SEC62: variants seen among roughly 807,000 people sequenced by gnomAD.
SEC62 encodes translocation protein SEC62.
In SEC62, 10 loss-of-function variants were observed where a neutral mutation model predicts 47.5. The observed-to-expected ratio is 0.21, with a 90% confidence interval of 0.13 to 0.36. The LOEUF (loss-of-function observed/expected upper bound fraction) is 0.36. Among genes scored for constraint, SEC62 ranks in the 10% least tolerant of loss-of-function variants. The pLI is 1.00. For missense variants in SEC62, 327 were observed against 464.1 expected (o/e 0.70, Z 2.71); for synonymous variants, 136 against 150.5 (o/e 0.90, Z 0.71).
At chr3:169,973,374 G>GT (rs1370084813) in intron 1 of SEC62, among the ~76,000 whole-genome samples, 1 of 152,132 alleles carries the variant, frequency 6.6e-6, no homozygotes, top group Non-Finnish European at 1.5e-5. Context: ...TAAGGTTCCA[G>GT]TTTTTTGCTG....
In SEC62 at chr3:169,985,874, T is replaced by A. The variant is rs1167716889; in HGVS notation, c.610+9T>A. 6.2e-6 allele frequency: 10 copies of A among 1,600,566 alleles called. No individual in the cohort carries two copies. Among genetic ancestry groups the A allele is most frequent in the Middle Eastern group, 1.7e-4 (1 of 6,020 alleles). ...CATGGGATTAATTCTTGGTAAGTAG[T>A]GAGATGTTAATAGCTATAAAGTGCA... is the stretch of plus-strand genomic sequence containing the variant. On this transcript the variant is annotated intron_variant, in intron 6 of 7. Coordinates refer to ENST00000337002, the MANE Select transcript of SEC62 (RefSeq NM_003262.4).
At chr3:169,976,854 C>A in intron 2 of SEC62, 92 bp from the exon 3 acceptor site, 1 of 785,278 alleles carries the variant, frequency 1.3e-6, no homozygotes, top group Non-Finnish European at 1.9e-6. Flanking sequence ...TTTTTGTTGC[C>A]AGAGTGTTGA....
At chr3:169,983,022 A>G in intron 4 of SEC62, 111 bp downstream of exon 4, 1 of 1,485,628 alleles carries the variant, frequency 6.7e-7, no homozygotes, top group South Asian at 1.4e-5. Flanking sequence ...AGATAACTAT[A>G]TTAGAGTTGT....
In SEC62 at chr3:169,992,879, G is replaced by A. The variant is rs765944822; in HGVS notation, c.1016G>A (p.Arg339Gln). The A allele has an allele frequency of 1.9e-5, 31 of 1,613,866 alleles. No individual in the cohort carries two copies. In the Admixed American group the frequency reaches 3.8e-4, roughly 20 times the overall value. ...NHGTEGSGGE[R>Q]HSDTDSDRRE... ...GGAACAGAAGGCTCGGGGGGAGAAC[G>A]GCATTCAGACACGGACAGTGACAGG... is the stretch of plus-strand genomic sequence containing the variant. Residue 339 changes from arginine (R) to glutamine (Q), a missense_variant, in exon 8 of 8, where the codon CGG (arginine) becomes CAG (glutamine). This residue lies in a region of SEC62 where 102 missense variants were observed against 108.8 expected (regional missense o/e 0.94). Coordinates refer to ENST00000337002, the MANE Select transcript of SEC62 (RefSeq NM_003262.4). This position sits in a 1 kb window ranked among gnomAD's most constrained non-coding sequence, Gnocchi z 4.0.
intron 5 of SEC62, 51 bp from the exon 6 acceptor site, chr3:169,985,754 T>C (rs1257971443): frequency 6.9e-7 from 1 of 1,456,308 alleles, no homozygotes; most frequent in Non-Finnish European, 9.5e-7. Context: ...AGCATTACTT[T>C]CTAATGTGAC....
intron 7 of SEC62, among the ~76,000 whole-genome samples, chr3:169,988,883 T>A (rs988344163): frequency 3.3e-5 from 5 of 152,154 alleles, no homozygotes; most frequent in Non-Finnish European, 4.4e-5. Flanking sequence ...AAACATTTTT[T>A]AATTTTGACT....
rs78769132 is a variant in SEC62 at position 169,985,890 on chromosome 3, A to G, written c.610+25A>G. On this transcript the variant is annotated intron_variant, in intron 6 of 7. Coordinates refer to ENST00000337002, the MANE Select transcript of SEC62 (RefSeq NM_003262.4). ...GGTAAGTAGTGAGATGTTAATAGCT[A>G]TAAAGTGCAATCTAAAATTTAGAAA... 2.5e-3 allele frequency: 3,793 copies of G among 1,521,660 alleles called. 54 individuals carry two copies. In the African/African-American group the frequency reaches 0.039, roughly 16 times the overall value. 94.3% of individuals were successfully genotyped at this position (1,521,660 alleles called of 1,614,324 possible).
chr3:169,985,972 C>A, intron 6 of SEC62, 107 bp downstream of exon 6: 2 of 654,150 alleles, frequency 3.1e-6, no homozygotes, highest in Non-Finnish European at 4.9e-6. Context: ...AAATAGTTGT[C>A]ATTTTAAAAA....
intron 1 of SEC62, among the ~76,000 whole-genome samples, chr3:169,973,434 T>G (rs1022964464): frequency 6.6e-6 from 1 of 152,142 alleles, no homozygotes; most frequent in South Asian, 2.1e-4. Context: ...GACTGAGGCA[T>G]GCAGATTATC....
intron 2 of SEC62, among the ~76,000 whole-genome samples, chr3:169,976,194 C>T (rs182686516): frequency 5.3e-5 from 8 of 152,066 alleles, no homozygotes; most frequent in African/African-American, 1.4e-4. Flanking sequence ...GCCAGGAGTT[C>T]GAGACCAGCC....
In SEC62 at chr3:169,983,098, G is replaced by T. The variant is rs533653658; in HGVS notation, c.457-63G>T. ...AATAGTCAGTGAAAGTTTTTTGACT[G>T]TATGAACATCATATTTCTTGCTTAC... On this transcript the variant is annotated intron_variant, in intron 4 of 7. Coordinates refer to ENST00000337002, the MANE Select transcript of SEC62 (RefSeq NM_003262.4). 8.5e-5 allele frequency: 125 copies of T among 1,479,250 alleles called. No homozygotes were observed. In the African/African-American group the frequency reaches 1.6e-3, roughly 19 times the overall value. 91.6% of individuals were successfully genotyped at this position (1,479,250 alleles called of 1,614,324 possible). A position where few individuals can be genotyped will look rare whatever the true frequency, so the allele number is the denominator to read the frequency against.
At chr3:169,975,236 G>A (rs147564441) in intron 1 of SEC62, among the ~76,000 whole-genome samples, 160 of 142,486 alleles carry the variant, frequency 1.1e-3, no homozygotes, top group African/African-American at 3.7e-3. Flanking sequence ...AGCCGAGATC[G>A]CACCACTGCA....
At chr3:169,987,484 G>A (rs904820645) in intron 6 of SEC62, among the ~76,000 whole-genome samples, 6 of 152,184 alleles carry the variant, frequency 3.9e-5, no homozygotes, top group African/African-American at 1.2e-4. Flanking sequence ...GATATTTTGC[G>A]TACAATATAT....
intron 1 of SEC62, among the ~76,000 whole-genome samples, chr3:169,973,776 T>C (rs1229410464): frequency 6.6e-6 from 1 of 152,202 alleles, no homozygotes; most frequent in Non-Finnish European, 1.5e-5. Context: ...TGATTTGGGC[T>C]CTTAATTTTT....
intron 3 of SEC62, among the ~76,000 whole-genome samples, chr3:169,982,020 A>G (rs1714985901): frequency 6.6e-6 from 1 of 152,216 alleles, no homozygotes; most frequent in South Asian, 2.1e-4. Flanking sequence ...GAGAATATAA[A>G]ATATAGTAAT....
chr3:169,985,887 G>A, intron 6 of SEC62, 22 bp downstream of exon 6: 2 of 1,533,090 alleles, frequency 1.3e-6, no homozygotes, highest in Non-Finnish European at 9.0e-7. Context: ...GATGTTAATA[G>A]CTATAAAGTG....
chr3:169,976,858 G>T, intron 2 of SEC62, 88 bp from the exon 3 acceptor site: 1 of 820,172 alleles, frequency 1.2e-6, no homozygotes, highest in Non-Finnish European at 1.8e-6. Context: ...TGTTGCCAGA[G>T]TGTTGAAATT....
intron 1 of SEC62, among the ~76,000 whole-genome samples, chr3:169,971,088 A>G (rs1714688447): frequency 1.3e-5 from 2 of 150,176 alleles, no homozygotes; most frequent in African/African-American, 4.9e-5. Context: ...TTTTTTTTAA[A>G]GAGACAAGGT....
At chr3:169,973,325 C>A (rs1714747640) in intron 1 of SEC62, among the ~76,000 whole-genome samples, 1 of 152,034 alleles carries the variant, frequency 6.6e-6, no homozygotes, top group Non-Finnish European at 1.5e-5. Context: ...TGTAGTTGTT[C>A]CTGAACTTGG....
Sources: allele counts gnomAD v4.1 joint callset (sites outside exome capture counted in the v4.1 genomes callset), GRCh38; gene constraint gnomAD v4.1.1; regional missense constraint gnomAD v4.1.1; non-coding constraint Gnocchi (gnomAD v3.1); transcripts MANE v1.5; gene names NCBI Gene and HGNC (gene_info 2026-07-23, HGNC 2026-07-21).